Variants in LRP1B observed in about 807,000 individuals in gnomAD.
LRP1B encodes the protein low-density lipoprotein receptor-related protein 1B.
A neutral mutation model predicts 556.6 loss-of-function variants in LRP1B; 217 were observed. That is an observed-to-expected ratio of 0.39 (90% confidence interval 0.35 to 0.44). The LOEUF is 0.44. Ranked by LOEUF, LRP1B falls within the 20% of genes least tolerant of loss-of-function variation. The pLI is 1.00. For missense variants in LRP1B, 5,053 were observed against 5,620.8 expected, an observed-to-expected ratio of 0.90 and a Z score of 3.23; for synonymous variants, 2,047 against 1,865.8, an observed-to-expected ratio of 1.10 and a Z score of -2.50.
chr2:141,393,715 G>A (rs1024567315), intron 3 of LRP1B, among the ~76,000 whole-genome samples: 4 of 151,952 alleles, frequency 2.6e-5, no homozygotes, highest in African/African-American at 9.7e-5. Flanking sequence ...TGGAAGACAA[G>A]TTGTACAGAA....
chr2:140,510,176 G>T, intron 51 of LRP1B, 120 bp from the exon 52 acceptor site: 1 of 950,382 alleles, frequency 1.1e-6, no homozygotes, highest in Non-Finnish European at 1.6e-6. Context: ...GGAGGCGATT[G>T]TAGTTATTGG....
At chr2:141,796,914 A>G (rs927076985) in intron 2 of LRP1B, among the ~76,000 whole-genome samples, 5 of 151,608 alleles carry the variant, frequency 3.3e-5, no homozygotes, top group African/African-American at 9.7e-5. Context: ...CCAATTAAAT[A>G]TATACACAAA....
chr2:140,989,445 G>T, intron 17 of LRP1B, 87 bp downstream of exon 17: 1 of 1,461,290 alleles, frequency 6.8e-7, no homozygotes, highest in Non-Finnish European at 9.4e-7. Context: ...CACTAGGAAA[G>T]TTCAGCTTAG....
intron 1 of LRP1B, among the ~76,000 whole-genome samples, chr2:142,014,110 A>G (rs926632310): frequency 6.7e-6 from 1 of 149,778 alleles, no homozygotes; most frequent in Non-Finnish European, 1.5e-5. Context: ...GAGTGGACGC[A>G]TTCCTCCTCT....
chr2:140,903,098 G>A lies in LRP1B; in HGVS notation c.3588C>T (p.Val1196=), dbSNP rs2105223323. 6.2e-7 allele frequency: 1 copy of A among 1,613,572 alleles called. No homozygotes were observed. The highest frequency in any genetic ancestry group is 1.7e-4 in the Middle Eastern group (1 of 6,060). The change falls in exon 23 of 91, where the codon GTC becomes GTT. Residue 1196 remains valine (V), a synonymous_variant. Coordinates refer to ENST00000389484, the MANE Select transcript of LRP1B (RefSeq NM_018557.3). ...GTTGAAGTCCTTCAGGGCAGGAACAGACAATTCCTCTTCCAGGAACAACAG... is the reference window on the plus strand; with the variant it reads ...GTTGAAGTCCTTCAGGGCAGGAACAAACAATTCCTCTTCCAGGAACAACAG... ...HCSVVPGRGI[V]CSCPEGLQLN...
chr2:140,706,115 T>G (rs1686827960), intron 37 of LRP1B, among the ~76,000 whole-genome samples: 3 of 152,120 alleles, frequency 2.0e-5, no homozygotes, highest in Admixed American at 2.0e-4. Context: ...GAACATAGAT[T>G]CTTGGCATCT....
chr2:141,178,776 G>C (rs1459655560), intron 7 of LRP1B, among the ~76,000 whole-genome samples: 8 of 151,988 alleles, frequency 5.3e-5, no homozygotes, highest in Admixed American at 5.3e-4. Flanking sequence ...CCTTCTGCTA[G>C]TTGGGAGCAG....
At chr2:141,305,630 A>C (rs1415339446) in intron 3 of LRP1B, among the ~76,000 whole-genome samples, 1 of 152,158 alleles carries the variant, frequency 6.6e-6, no homozygotes, top group East Asian at 1.9e-4. Flanking sequence ...AGTATGTCGA[A>C]TAACAGTGGT....
chr2:140,554,688 A>G (rs1680663264), intron 43 of LRP1B, among the ~76,000 whole-genome samples: 1 of 152,106 alleles, frequency 6.6e-6, no homozygotes, highest in Non-Finnish European at 1.5e-5. Context: ...ATTTGAAACC[A>G]GTAATTGTAT....
intron 3 of LRP1B, among the ~76,000 whole-genome samples, chr2:141,268,898 T>A (rs1235634176): frequency 6.6e-6 from 1 of 152,132 alleles, no homozygotes; most frequent in African/African-American, 2.4e-5. Context: ...TGGGGTCCAG[T>A]TACTCTCATC....
chr2:140,708,667 A>G (rs1313484433), intron 37 of LRP1B, among the ~76,000 whole-genome samples: 2 of 151,820 alleles, frequency 1.3e-5, no homozygotes, highest in Non-Finnish European at 2.9e-5. Context: ...TATATATAAT[A>G]TTAGCTTGTT....
chr2:142,076,721 G>A (rs1018586687), intron 1 of LRP1B, among the ~76,000 whole-genome samples: 11 of 151,968 alleles, frequency 7.2e-5, no homozygotes, highest in African/African-American at 2.4e-4. Context: ...GATCAAAGGG[G>A]CTTAGAAATC....
chr2:141,783,223 G>A (rs1011276672), intron 2 of LRP1B, among the ~76,000 whole-genome samples: 2 of 151,990 alleles, frequency 1.3e-5, no homozygotes, highest in Non-Finnish European at 2.9e-5. Context: ...CTGCTCTTAG[G>A]TGCACAAAGT....
chr2:141,788,030 G>A lies in LRP1B; in HGVS notation c.205+22249C>T, dbSNP rs537028259. On this transcript the variant is annotated intron_variant, in intron 2 of 90. Transcript: ENST00000389484. ...TGTGCTATTGAAGACTTATTATTTG[G>A]TTAGTTTTTCATAACTGGTAGGAAG... Among the ~76,000 whole-genome samples, 54 of 151,990 alleles carry A rather than the reference G, an allele frequency of 3.6e-4. 2 individuals are homozygous for A. The highest frequency in any genetic ancestry group is 6.8e-3 in the Middle Eastern group (2 of 294).
chr2:141,985,292 A>T (rs1249134573), intron 1 of LRP1B, among the ~76,000 whole-genome samples: 1 of 152,140 alleles, frequency 6.6e-6, no homozygotes, highest in African/African-American at 2.4e-5. Context: ...TAGGCAGTGG[A>T]AAGTTGGAAA....
At chr2:140,507,924 G>A (rs1689488939) in intron 52 of LRP1B, among the ~76,000 whole-genome samples, 2 of 152,192 alleles carry the variant, frequency 1.3e-5, no homozygotes, top group African/African-American at 4.8e-5. Context: ...ATAATAAAAT[G>A]TATCTGATAC....
chr2:141,922,719 G>A (rs1356395141), intron 1 of LRP1B, among the ~76,000 whole-genome samples: 1 of 152,106 alleles, frequency 6.6e-6, no homozygotes, highest in Non-Finnish European at 1.5e-5. Flanking sequence ...ATTCACTAGT[G>A]TCAAGAAATT....
intron 76 of LRP1B, among the ~76,000 whole-genome samples, chr2:140,351,296 A>G (rs1681947959): frequency 6.6e-6 from 1 of 151,966 alleles, no homozygotes; most frequent in Non-Finnish European, 1.5e-5. Context: ...GTACATATAA[A>G]TGTCCTTTTA....
At chr2:141,290,731 G>A (rs1376591026) in intron 3 of LRP1B, among the ~76,000 whole-genome samples, 1 of 152,018 alleles carries the variant, frequency 6.6e-6, no homozygotes, top group African/African-American at 2.4e-5. Context: ...TAGTTTCCTG[G>A]GATTTATGAG....
Sources: gnomAD v4.1 joint callset for allele counts (sites outside exome capture counted in the v4.1 genomes callset) on GRCh38, gnomAD v4.1.1 for gene constraint, MANE v1.5 for transcripts, NCBI Gene and HGNC (gene_info 2026-07-23, HGNC 2026-07-21) for gene names.